Variants in PRR16 observed in about 807,000 individuals in gnomAD.
The protein encoded by PRR16 is protein Largen.
Under a neutral mutation model 18.2 loss-of-function variants are expected in PRR16, and 6 were observed. That is an observed-to-expected ratio of 0.33 (90% confidence interval 0.18 to 0.65). The LOEUF is 0.65. Among genes scored for constraint, PRR16 ranks in the 30% least tolerant of loss-of-function variants. PRR16 has a pLI of 0.74. For synonymous variants in PRR16, 151 were observed against 147.8 expected (o/e 1.02, Z -0.16); for missense variants, 412 against 376.6 (o/e 1.09, Z -0.78).
chr5:120,551,558 G>C (rs778892927), intron 1 of PRR16, among the ~76,000 whole-genome samples: 1 of 151,808 alleles, frequency 6.6e-6, no homozygotes, highest in Non-Finnish European at 1.5e-5. Context: ...AGTTTCTTTT[G>C]TATACTGGAA....
intron 1 of PRR16, chr5:120,618,636 T>G: frequency 1.3e-6 from 1 of 770,960 alleles, no homozygotes; most frequent in South Asian, 5.9e-5. Flanking sequence ...GAAAATAAAT[T>G]GTTGATTATC....
chr5:120,723,119 C>T, the PRR16 span, among the ~76,000 whole-genome samples: 1 of 151,638 alleles, frequency 6.6e-6, no homozygotes, highest in Non-Finnish European at 1.5e-5. Flanking sequence ...GTAGCAATAC[C>T]ATCATTGTAG....
chr5:120,745,581 T>C, the PRR16 span, among the ~76,000 whole-genome samples: 1 of 152,280 alleles, frequency 6.6e-6, no homozygotes, highest in Admixed American at 6.5e-5. Flanking sequence ...ATACTGTCTT[T>C]CTCTGGGTAT....
chr5:120,613,076 G>T (rs934114739), intron 1 of PRR16, among the ~76,000 whole-genome samples: 5 of 152,176 alleles, frequency 3.3e-5, no homozygotes, highest in African/African-American at 1.2e-4. Flanking sequence ...AAAGCATACA[G>T]TTGGCAGTTC....
At chr5:120,656,702 A>G (rs893565132) in intron 1 of PRR16, among the ~76,000 whole-genome samples, 3 of 152,084 alleles carry the variant, frequency 2.0e-5, no homozygotes, top group Middle Eastern at 3.4e-3. Flanking sequence ...TTATAAACAA[A>G]TATAAGCAAT....
the PRR16 span, among the ~76,000 whole-genome samples, chr5:120,754,262 A>AT: frequency 3.0e-5 from 1 of 33,760 alleles, no homozygotes; most frequent in South Asian, 9.6e-4. Flanking sequence ...ATATAAAAAT[A>AT]TAAATATAAA....
the PRR16 span, among the ~76,000 whole-genome samples, chr5:120,699,178 T>C: frequency 2.0e-5 from 3 of 150,964 alleles, no homozygotes; most frequent in East Asian, 5.9e-4. Flanking sequence ...CCCTGAGGAG[T>C]AGTAGAATAG....
At chr5:120,738,445 A>G in the PRR16 span, among the ~76,000 whole-genome samples, 1 of 152,090 alleles carries the variant, frequency 6.6e-6, no homozygotes, top group Non-Finnish European at 1.5e-5. Flanking sequence ...CTTAATTATT[A>G]GAAACTTGCT....
intron 1 of PRR16, among the ~76,000 whole-genome samples, chr5:120,534,597 T>G (rs1479143600): frequency 6.6e-6 from 1 of 152,196 alleles, no homozygotes; most frequent in Non-Finnish European, 1.5e-5. Context: ...TACTTAGAAA[T>G]GTATTATCTG....
intron 1 of PRR16, among the ~76,000 whole-genome samples, chr5:120,651,835 C>G (rs1755801581): frequency 6.6e-6 from 1 of 151,914 alleles, no homozygotes; most frequent in African/African-American, 2.4e-5. Context: ...TCCATATGAA[C>G]TTTAAAGTAG....
chr5:120,612,077 G>C (rs1026725816), intron 1 of PRR16, among the ~76,000 whole-genome samples: 4 of 152,176 alleles, frequency 2.6e-5, no homozygotes, highest in African/African-American at 9.7e-5. Context: ...TGCTCCGCTG[G>C]ATTTCAAACT....
chr5:120,585,336 A>T (rs895330458), intron 1 of PRR16, among the ~76,000 whole-genome samples: 6 of 152,202 alleles, frequency 3.9e-5, no homozygotes, highest in African/African-American at 1.4e-4. Flanking sequence ...TCAGCTGGGC[A>T]TGGTGGCTCA....
the PRR16 span, among the ~76,000 whole-genome samples, chr5:120,766,581 TA>T: frequency 6.6e-6 from 1 of 152,012 alleles, no homozygotes; most frequent in Admixed American, 6.6e-5. Flanking sequence ...CACTTTTAAT[TA>T]ATCAGCTTAA....
At chr5:120,655,581 T>C (rs985181350) in intron 1 of PRR16, among the ~76,000 whole-genome samples, 1 of 151,862 alleles carries the variant, frequency 6.6e-6, no homozygotes, top group Non-Finnish European at 1.5e-5. Flanking sequence ...CCCCAAAATA[T>C]TTCTTTACTC....
chr5:120,688,546 T>G (rs968408379), downstream of PRR16, among the ~76,000 whole-genome samples: 3 of 152,200 alleles, frequency 2.0e-5, no homozygotes, highest in Non-Finnish European at 4.4e-5. Flanking sequence ...TTGATATAAA[T>G]AAAGCCAGGG....
the PRR16 span, among the ~76,000 whole-genome samples, chr5:120,721,539 A>T: frequency 6.6e-6 from 1 of 152,056 alleles, no homozygotes; most frequent in Non-Finnish European, 1.5e-5. Context: ...CAGAGAGAAA[A>T]GCAAATGTGG....
intron 1 of PRR16, among the ~76,000 whole-genome samples, chr5:120,574,510 A>G (rs1270530151): frequency 6.6e-6 from 1 of 152,088 alleles, no homozygotes; most frequent in Non-Finnish European, 1.5e-5. Context: ...AGCCTGAGGC[A>G]TGATAATCAC....
chr5:120,758,427 G>C, the PRR16 span, among the ~76,000 whole-genome samples: 1 of 152,032 alleles, frequency 6.6e-6, no homozygotes, highest in Non-Finnish European at 1.5e-5. Flanking sequence ...TTTTCATTCT[G>C]TTGTAGAGCA....
intron 1 of PRR16, among the ~76,000 whole-genome samples, chr5:120,625,963 T>C (rs913561991): frequency 1.3e-5 from 2 of 152,084 alleles, no homozygotes; most frequent in Non-Finnish European, 2.9e-5. Context: ...AGTACAATAT[T>C]GAACTGGTTT....
Sources: gnomAD v4.1 joint callset for allele counts (sites outside exome capture counted in the v4.1 genomes callset) on GRCh38, gnomAD v4.1.1 for gene constraint, MANE v1.5 for transcripts, NCBI Gene and HGNC (gene_info 2026-07-23, HGNC 2026-07-21) for gene names.